TENM3: variants seen among roughly 807,000 people sequenced by gnomAD.
TENM3 encodes the protein teneurin transmembrane protein 3.
TENM3 carries 63 observed loss-of-function variants against 255.1 expected under a neutral mutation model. That is an observed-to-expected ratio of 0.25 (90% CI 0.20 to 0.30). The LOEUF is 0.30. Among genes scored for constraint, TENM3 ranks in the 10% least tolerant of loss-of-function variants. The pLI, the probability that TENM3 is intolerant of heterozygous loss-of-function variation, is 1.00. For missense variants in TENM3, 2,929 were observed against 3,461.1 expected (o/e 0.85, Z 3.86); for synonymous variants, 1,306 against 1,322.3 (o/e 0.99, Z 0.27).
intron 3 of TENM3, among the ~76,000 whole-genome samples, chr4:182,405,149 G>A (rs1769472385): frequency 6.6e-6 from 1 of 152,148 alleles, no homozygotes. Flanking sequence ...CAGCCAAAAG[G>A]CTTCATGGAC....
At chr4:182,598,247 T>G (rs1055455129) in intron 3 of TENM3, among the ~76,000 whole-genome samples, 1 of 152,226 alleles carries the variant, frequency 6.6e-6, no homozygotes, top group Non-Finnish European at 1.5e-5. Flanking sequence ...AGACTTTGCA[T>G]GTATTCTGTT....
the TENM3 span, among the ~76,000 whole-genome samples, chr4:181,968,992 CTA>C: frequency 2.6e-5 from 3 of 116,024 alleles, no homozygotes; most frequent in Non-Finnish European, 4.0e-5. Flanking sequence ...CTCTCTCTCT[CTA>C]TATACATATA....
chr4:181,605,578 A>AAGAG, the TENM3 span, among the ~76,000 whole-genome samples: 1 of 28,076 alleles, frequency 3.6e-5, no homozygotes, highest in South Asian at 1.8e-3. Context: ...AAGAGAGAGA[A>AAGAG]AGAAAGGAAA....
At chr4:181,537,525 A>C in the TENM3 span, among the ~76,000 whole-genome samples, 1 of 152,226 alleles carries the variant, frequency 6.6e-6, no homozygotes, top group Non-Finnish European at 1.5e-5. Context: ...TTGTGTTATT[A>C]CTTTATAGTG....
At position 182,170,190 on chromosome 4, in the gene TENM3, C is replaced by T. The variant is rs1418238687; in HGVS notation, c.-76+25436C>T. Among the ~76,000 whole-genome samples, 3 of 151,890 alleles carry T rather than the reference C, an allele frequency of 2.0e-5. No homozygotes were observed. The East Asian group carries it at 5.8e-4, about 29-fold the overall frequency. ...CATACATGTTGTTACTTGTTTTGCA[C>T]AGAAGAAACTAGGGCTTGGCAATTT... On this transcript the variant is annotated intron_variant, in intron 1 of 2. Transcript: ENST00000512480.
the TENM3 span, among the ~76,000 whole-genome samples, chr4:181,478,829 G>T: frequency 6.6e-6 from 1 of 152,252 alleles, no homozygotes; most frequent in African/African-American, 2.4e-5. Flanking sequence ...CTAAATTTCA[G>T]CTCAAGTGTT....
the TENM3 span, among the ~76,000 whole-genome samples, chr4:181,591,954 G>C: frequency 7.4e-3 from 831 of 112,520 alleles, 12 homozygotes; most frequent in African/African-American, 0.023. Context: ...AGTGAAAAAA[G>C]CCAGAAAAAA....
At chr4:182,788,665 C>T (rs990099630) in intron 24 of TENM3, among the ~76,000 whole-genome samples, 2 of 152,212 alleles carry the variant, frequency 1.3e-5, no homozygotes, top group African/African-American at 4.8e-5. Context: ...AACTGCTCTT[C>T]AAAGGGCCAG....
At chr4:182,051,165 G>A in the TENM3 span, among the ~76,000 whole-genome samples, 1 of 151,672 alleles carries the variant, frequency 6.6e-6, no homozygotes, top group Non-Finnish European at 1.5e-5. Flanking sequence ...CCAACACGGT[G>A]AAAACCCATC....
rs1285643775 is a variant in TENM3, at chr4:182,754,957, C to A, written c.4590C>A (p.His1530Gln). The change falls in exon 22 of 28, where the codon CAC (histidine) becomes CAA (glutamine). Residue 1530 changes from histidine (H) to glutamine (Q), a missense_variant. Transcript: ENST00000511685. This position sits in a 1 kb window ranked among gnomAD's most constrained non-coding sequence, Gnocchi z 5.1. ...ELYIFDINGTHQYTVSLVTGD... is the reference protein window; with the variant it reads ...ELYIFDINGTQQYTVSLVTGD... ...ACATCTTTGACATCAATGGTACTCA[C>A]CAATATACTGTAAGTTTAGTCACTG... is the stretch of plus-strand genomic sequence containing the variant. The A allele has an allele frequency of 6.2e-7, 1 of 1,614,022 alleles. No individual in the cohort carries two copies. The highest frequency in any genetic ancestry group is 1.1e-5 in the South Asian group (1 of 91,084).
chr4:182,367,156 G>A (rs888052486), intron 3 of TENM3, among the ~76,000 whole-genome samples: 1 of 152,136 alleles, frequency 6.6e-6, no homozygotes. Context: ...GCAGGACTTC[G>A]AAAGATGGTA....
chr4:181,755,745 C>T, the TENM3 span, among the ~76,000 whole-genome samples: 4 of 151,946 alleles, frequency 2.6e-5, no homozygotes, highest in African/African-American at 4.8e-5. Context: ...CTGCCTTTCC[C>T]GTTCTCTGTG....
chr4:181,451,702 A>G, the TENM3 span, among the ~76,000 whole-genome samples: 1 of 152,162 alleles, frequency 6.6e-6, no homozygotes, highest in Non-Finnish European at 1.5e-5. Context: ...ATATTTTTGG[A>G]TGGAGAAAAC....
At chr4:182,344,331 A>G (rs1764665259) in intron 2 of TENM3, among the ~76,000 whole-genome samples, 1 of 152,198 alleles carries the variant, frequency 6.6e-6, no homozygotes. Flanking sequence ...TGCTTGCATC[A>G]TAGCTTCATT....
the TENM3 span, among the ~76,000 whole-genome samples, chr4:181,798,029 T>C: frequency 6.6e-6 from 1 of 152,196 alleles, no homozygotes; most frequent in Non-Finnish European, 1.5e-5. Flanking sequence ...TTATTTATTC[T>C]CTTTCTTGCC....
chr4:181,651,671 T>G, the TENM3 span, among the ~76,000 whole-genome samples: 1 of 151,994 alleles, frequency 6.6e-6, no homozygotes, highest in Non-Finnish European at 1.5e-5. Flanking sequence ...TAGGTGTGAG[T>G]AGACAGAAAA....
At chr4:182,196,453 A>C (rs1270214503) in intron 1 of TENM3, among the ~76,000 whole-genome samples, 2 of 152,158 alleles carry the variant, frequency 1.3e-5, no homozygotes, top group African/African-American at 4.8e-5. Context: ...GAAGTGAGCC[A>C]AGTAGGAAGG....
the TENM3 span, among the ~76,000 whole-genome samples, chr4:181,898,238 A>G: frequency 6.6e-6 from 1 of 151,854 alleles, no homozygotes; most frequent in Admixed American, 6.6e-5. Context: ...AAACAGTAGT[A>G]GGTGAGTCAA....
intron 5 of TENM3, among the ~76,000 whole-genome samples, chr4:182,638,524 T>G (rs1290330768): frequency 6.6e-6 from 1 of 152,190 alleles, no homozygotes; most frequent in African/African-American, 2.4e-5. Flanking sequence ...GTACAGTCTA[T>G]ACAGTGACTC....
Sources: gnomAD v4.1 joint callset for allele counts (sites outside exome capture counted in the v4.1 genomes callset) on GRCh38, gnomAD v4.1.1 for gene constraint, Gnocchi (gnomAD v3.1) non-coding constraint, MANE v1.5 for transcripts, NCBI Gene and HGNC (gene_info 2026-07-23, HGNC 2026-07-21) for gene names.